Variants in POLK observed in about 807,000 individuals in gnomAD.
POLK encodes the protein polymerase (DNA directed) kappa.
Under a neutral mutation model 94.0 loss-of-function variants are expected in POLK, and 76 were observed. That is an observed-to-expected ratio of 0.81 (90% CI 0.67 to 0.98). POLK has a LOEUF of 0.98. POLK is among the 50% of genes least tolerant of loss of function. The probability of loss-of-function intolerance (pLI) is 0.00; values close to 1 mark genes in which losing one functional copy is unlikely to be tolerated. For missense variants in POLK, 954 were observed against 1,010.1 expected (o/e 0.94, Z 0.75); for synonymous variants, 349 against 325.4 (o/e 1.07, Z -0.78).
intron 2 of POLK, among the ~76,000 whole-genome samples, chr5:75,550,060 G>A (rs1770257513): frequency 6.6e-6 from 1 of 152,106 alleles, no homozygotes; most frequent in Non-Finnish European, 1.5e-5. Context: ...ATTTAAAGAA[G>A]AAATGATACC....
chr5:75,566,504 C>T (rs986043736), intron 3 of POLK, among the ~76,000 whole-genome samples: 18 of 152,168 alleles, frequency 1.2e-4, no homozygotes, highest in African/African-American at 3.1e-4. Context: ...GTAGGCACCC[C>T]GTGAAATCTC....
intron 7 of POLK, chr5:75,581,677 TC>T: frequency 4.5e-6 from 2 of 441,052 alleles, no homozygotes; most frequent in South Asian, 2.9e-5. Context: ...TACGTTTCTT[TC>T]TTTTTTTTTT....
At chr5:75,598,146 G>A in exon 15 of POLK, 1 of 468,094 alleles carries the variant, frequency 2.1e-6, no homozygotes, top group Non-Finnish European at 3.8e-6. Flanking sequence ...TTCCTCAGAT[G>A]ATGTTTGCTT....
At chr5:75,598,027 C>T (rs1773184642) in exon 15 of POLK, 3 of 996,822 alleles carry the variant, frequency 3.0e-6, no homozygotes, top group East Asian at 2.7e-5. Context: ...AAACATTGAA[C>T]ATTTTATCAT....
At chr5:75,569,427 G>T (rs1326575959) in exon 4 of POLK, 1 of 1,613,330 alleles carries the variant, frequency 6.2e-7, no homozygotes, top group Non-Finnish European at 8.5e-7. Flanking sequence ...CTATGCAGCT[G>T]TAGAAATGAG....
chr5:75,536,985 A>G (rs185262034), intron 1 of POLK, among the ~76,000 whole-genome samples: 15 of 152,274 alleles, frequency 9.9e-5, no homozygotes, highest in Non-Finnish European at 2.1e-4. Flanking sequence ...GCTGGGCTAG[A>G]AGCTCTAGCA....
intron 7 of POLK, 25 bp downstream of exon 7, chr5:75,581,473 A>G (rs762734291): frequency 6.3e-7 from 1 of 1,594,462 alleles, no homozygotes; most frequent in South Asian, 1.1e-5. Flanking sequence ...ATTGATGGCC[A>G]CTGTAGTTAT....
chr5:75,519,123 G>A (rs905988195), intron 1 of POLK, among the ~76,000 whole-genome samples: 1 of 152,168 alleles, frequency 6.6e-6, no homozygotes, highest in Admixed American at 6.5e-5. Context: ...ACCATGCCCT[G>A]CCAGGAACAA....
intron 3 of POLK, among the ~76,000 whole-genome samples, chr5:75,560,732 T>C (rs991111889): frequency 2.0e-5 from 3 of 152,184 alleles, no homozygotes; most frequent in African/African-American, 7.2e-5. Context: ...TATGGTCTCA[T>C]TGTTCAACTC....
At chr5:75,538,199 A>G (rs1201816324) in intron 1 of POLK, among the ~76,000 whole-genome samples, 1 of 152,194 alleles carries the variant, frequency 6.6e-6, no homozygotes, top group Non-Finnish European at 1.5e-5. Flanking sequence ...AGAAATAAGT[A>G]CTTCATATGC....
intron 12 of POLK, among the ~76,000 whole-genome samples, chr5:75,595,549 T>C (rs1327579726): frequency 1.3e-5 from 2 of 151,982 alleles, no homozygotes; most frequent in East Asian, 1.9e-4. Context: ...ATGAGTACCA[T>C]AAAAAATAAT....
At chr5:75,597,451 A>C (rs1365567161) in intron 13 of POLK, 1 of 412,544 alleles carries the variant, frequency 2.4e-6, no homozygotes, top group African/African-American at 2.0e-5. Context: ...AAATTCCTTC[A>C]GAGAACATCT....
At chr5:75,532,046 C>T (rs1473730880) in intron 1 of POLK, among the ~76,000 whole-genome samples, 2 of 152,146 alleles carry the variant, frequency 1.3e-5, no homozygotes, top group African/African-American at 4.8e-5. Flanking sequence ...ATAAGAACAT[C>T]TAAGATGGAA....
At chr5:75,576,987 A>C in intron 6 of POLK, 54 bp downstream of exon 6, 1 of 1,099,600 alleles carries the variant, frequency 9.1e-7, no homozygotes, top group Admixed American at 2.7e-5. Context: ...AAAAAAACCC[A>C]CAACTCTTTG....
chr5:75,604,860 C>T (rs1773382186), downstream of POLK, among the ~76,000 whole-genome samples: 1 of 152,094 alleles, frequency 6.6e-6, no homozygotes, highest in Non-Finnish European at 1.5e-5. Context: ...TAATACATAA[C>T]TGAATTAAGT....
intron 1 of POLK, among the ~76,000 whole-genome samples, chr5:75,539,122 T>C (rs772610295): frequency 6.6e-6 from 1 of 152,204 alleles, no homozygotes; most frequent in Non-Finnish European, 1.5e-5. Context: ...CCAAATGGAC[T>C]GTCAGTATTT....
chr5:75,554,463 A>T (rs1227419769), intron 3 of POLK, among the ~76,000 whole-genome samples: 1 of 152,084 alleles, frequency 6.6e-6, no homozygotes, highest in African/African-American at 2.4e-5. Context: ...TTTTAAAAAA[A>T]GATTATATAT....
intron 1 of POLK, among the ~76,000 whole-genome samples, chr5:75,533,517 T>G (rs1769285375): frequency 1.3e-5 from 2 of 152,252 alleles, no homozygotes; most frequent in African/African-American, 2.4e-5. Flanking sequence ...TCTGGTAATG[T>G]GATGCCTCCA....
At chr5:75,553,812 A>T (rs1770452161) in intron 3 of POLK, among the ~76,000 whole-genome samples, 1 of 152,174 alleles carries the variant, frequency 6.6e-6, no homozygotes, top group South Asian at 2.1e-4. Flanking sequence ...TCTGTTTGCG[A>T]GTATATACAC....
Sources: allele counts gnomAD v4.1 joint callset (sites outside exome capture counted in the v4.1 genomes callset), GRCh38; gene constraint gnomAD v4.1.1; transcripts MANE v1.5; gene names NCBI Gene and HGNC (gene_info 2026-07-23, HGNC 2026-07-21).